The following ROBO3 variants were observed in gnomAD, a reference collection of about 807,000 sequenced individuals.
ROBO3 encodes roundabout homolog 3.
Under a neutral mutation model 160.5 loss-of-function variants are expected in ROBO3, and 97 were observed. The ratio of observed to expected loss-of-function variants is 0.60; its 90% CI spans 0.51 to 0.72. The LOEUF (loss-of-function observed/expected upper bound fraction) is 0.72, where lower values mean the gene tolerates loss of function less well. ROBO3 is among the 30% of genes least tolerant of loss of function. The pLI is 0.00. For missense variants in ROBO3, 1,858 were observed against 1,846.5 expected (o/e 1.01, Z -0.11); for synonymous variants, 780 against 746.2 (o/e 1.05, Z -0.74).
In ROBO3 at chr11:124,881,231, C is replaced by CTT. The variant is rs1286879686; in HGVS notation, c.4150-7_4150-6insTT. On this transcript the variant is annotated splice_polypyrimidine_tract_variant and splice_region_variant and intron_variant, in intron 27 of 27. Transcript: ENST00000397801. Reference sequence around the variant, plus strand: ...TTTACAAAACAGCATCTCTCTCTCTCTCCCTAGGAACCAAGATGACCCTTG... The same window carrying CTT: ...TTTACAAAACAGCATCTCTCTCTCTCTTTCCCTAGGAACCAAGATGACCCTTG... 1.2e-6 allele frequency: 2 copies of CTT among 1,605,404 alleles called. No individual in the cohort carries two copies. The highest frequency in any genetic ancestry group is 1.7e-6 in the Non-Finnish European group (2 of 1,175,828).
At chr11:124,875,476 T>A in intron 14 of ROBO3, 88 bp from the exon 15 acceptor site, 1 of 1,586,580 alleles carries the variant, frequency 6.3e-7, no homozygotes, top group South Asian at 1.1e-5. Flanking sequence ...CCCTAAGATG[T>A]TAGAACAGGG....
rs1196205129 is a variant in ROBO3, at chr11:124,880,964, G to C, written c.4150-275G>C. ...GCTACTCAGGGGGCTTGAGGTGGGA[G>C]GATAGCTTGAGCCTGGGAGGTCAAG... On this transcript the variant is annotated intron_variant, in intron 27 of 27. Transcript: ENST00000397801. 2.0e-5 allele frequency among the ~76,000 whole-genome samples: 3 copies of C among 152,148 alleles called. No homozygotes were observed. The East Asian group carries it at 5.8e-4, about 29-fold the overall frequency.
rs753333797 is a variant in ROBO3 at position 124,873,893 on chromosome 11, A to T, written c.1784+31A>T. The T allele has an allele frequency of 6.2e-7, 1 of 1,610,946 alleles. No homozygotes were observed. Among genetic ancestry groups the T allele is most frequent in the Admixed American group, 1.7e-5 (1 of 59,468 alleles). On this transcript the variant is annotated intron_variant, in intron 11 of 27. Transcript: ENST00000397801. This position sits in a 1 kb window ranked among gnomAD's most constrained non-coding sequence, Gnocchi z 4.5. ...GAGAAAGTTTTGAATGCAAACCTGGAGAGTTAAAAGGAGGGGATCCTATGC... is the reference window on the plus strand; with the variant it reads ...GAGAAAGTTTTGAATGCAAACCTGGTGAGTTAAAAGGAGGGGATCCTATGC...
Position 124,870,037 on chromosome 11 carries a change from G to C in ROBO3, c.735G>C (p.Arg245=). 6.2e-7 allele frequency: 1 copy of C among 1,614,048 alleles called. No homozygotes were observed. The highest frequency in any genetic ancestry group is 1.3e-5 in the African/African-American group (1 of 75,058). The part of the protein sequence containing the change: ...VCVASNMAGE[R]ESAAAEVMVL... ...TAGCCTCCAACATGGCGGGAGAACG[G>C]GAGAGTGCGGCAGCTGAAGTCATGG... Residue 245 remains arginine, a synonymous_variant, in exon 4 of 28, where the codon CGG becomes CGC. Coordinates refer to ENST00000397801, the MANE Select transcript of ROBO3 (RefSeq NM_022370.4).
In ROBO3 at chr11:124,868,870, C is replaced by G; in HGVS notation, c.229C>G (p.Arg77Gly). ...GCAGCCGCCAGATCTGCTGGTCTCC[C>G]GAGGCGAGCCCGCCACGTTGCCCTG... ...VEQPPDLLVS[R>G]GEPATLPCRA... Residue 77 changes from arginine to glycine, a missense_variant, in exon 2 of 28, where the codon CGA (arginine) becomes GGA (glycine). By Grantham distance (125) the Arg-to-Gly change is moderately radical. Coordinates refer to ENST00000397801, the MANE Select transcript of ROBO3 (RefSeq NM_022370.4). The G allele has an allele frequency of 6.2e-7, 1 of 1,607,616 alleles. No individual in the cohort carries two copies. Among genetic ancestry groups the G allele is most frequent in the Non-Finnish European group, 8.5e-7 (1 of 1,177,990 alleles).
rs1353898504 is a variant in ROBO3 at position 124,878,395 on chromosome 11, A to T, written c.3279A>T (p.Glu1093Asp). The stretch of plus-strand genomic sequence containing the variant: ...TGCCCCCACCTCCTCCTTCTTGTGA[A>T]CTGAGCTGCCTAGAAGGGCCGGAGG... The part of the protein sequence containing the change: ...EALPPPPPSC[E>D]LSCLEGPEEE... Residue 1093 changes from glutamate to aspartate, a missense_variant, in exon 22 of 28, where the codon GAA becomes GAT. By Grantham distance (45) the Glu-to-Asp change is conservative. Coordinates refer to ENST00000397801, the MANE Select transcript of ROBO3 (RefSeq NM_022370.4). The surrounding 1 kb of genome is among the most constrained non-coding windows in gnomAD (Gnocchi z 4.3). 2 of 1,613,896 alleles carry T rather than the reference A, an allele frequency of 1.2e-6. No homozygotes were observed. The highest frequency in any genetic ancestry group is 3.3e-5 in the Admixed American group (2 of 60,010).
intron 12 of ROBO3, among the ~76,000 whole-genome samples, chr11:124,874,508 T>C (rs967752565): frequency 2.6e-5 from 4 of 152,120 alleles, no homozygotes; most frequent in Admixed American, 6.6e-5. Flanking sequence ...CTTTTACCCA[T>C]AGATAATAAT....
rs867544928 is a variant in ROBO3, at chr11:124,872,734, A to T, written c.1331-150A>T. ...ACTAATAATGGCTGGTCCTGGGCAG[A>T]GACTTCAGATGATTATCAAAGCCCC... On this transcript the variant is annotated intron_variant, in intron 8 of 27. Transcript: ENST00000397801. This position sits in a 1 kb window ranked among gnomAD's most constrained non-coding sequence, Gnocchi z 4.3. 2.3e-5 allele frequency: 21 copies of T among 917,990 alleles called. No individual in the cohort carries two copies. The highest frequency in any genetic ancestry group is 6.8e-4 in the Middle Eastern group (2 of 2,938). 56.9% of individuals were successfully genotyped at this position (917,990 alleles called of 1,614,324 possible).
At position 124,869,348 on chromosome 11, in the gene ROBO3, C is replaced by A; in HGVS notation, c.488-102C>A. 8.3e-7 allele frequency: 1 copy of A among 1,208,494 alleles called. No homozygotes were observed. The highest frequency in any genetic ancestry group is 1.2e-6 in the Non-Finnish European group (1 of 836,922). 74.9% of individuals were successfully genotyped at this position (1,208,494 alleles called of 1,614,324 possible). On this transcript the variant is annotated intron_variant, in intron 2 of 27. Transcript: ENST00000397801. This position sits in a 1 kb window ranked among gnomAD's most constrained non-coding sequence, Gnocchi z 4.2. ...TTCTCACCTGGGAACGAATTCCAGT[C>A]TGCAGCGATCAACCCCTTCCCAAGA...
intron 13 of ROBO3, 82 bp from the exon 14 acceptor site, chr11:124,875,029 G>A (rs1591514089): frequency 6.6e-7 from 1 of 1,511,152 alleles, no homozygotes; most frequent in Non-Finnish European, 8.9e-7. Flanking sequence ...ATGAGTGGGA[G>A]GAGGGGCTGG....
chr11:124,876,831 G>A lies in ROBO3; in HGVS notation c.2780-330G>A. ...AGGATCCCAGGCAGTAAATTGTGCGGCGGGGTCTGGATGGAAAGGCGGGGC... is the reference window on the plus strand; with the variant it reads ...AGGATCCCAGGCAGTAAATTGTGCGACGGGGTCTGGATGGAAAGGCGGGGC... On this transcript the variant is annotated intron_variant, in intron 17 of 27. Transcript: ENST00000397801. The surrounding 1 kb of genome is among the most constrained non-coding windows in gnomAD (Gnocchi z 5.3). The A allele has an allele frequency of 1.8e-6, 1 of 546,458 alleles. No individual in the cohort carries two copies. Among genetic ancestry groups the A allele is most frequent in the Non-Finnish European group, 3.3e-6 (1 of 307,504 alleles). The allele number at this position is 546,458 out of a possible 1,614,324, so 33.9% of individuals were successfully genotyped here. A position where few individuals can be genotyped will look rare whatever the true frequency, so the allele number is the denominator to read the frequency against.
chr11:124,866,065 C>A lies in ROBO3; in HGVS notation c.160+328C>A, dbSNP rs145610075. 1.8e-3 allele frequency among the ~76,000 whole-genome samples: 274 copies of A among 152,240 alleles called. 1 individual carries two copies. Among genetic ancestry groups the A allele is most frequent in the African/African-American group, 6.3e-3 (263 of 41,540 alleles). On this transcript the variant is annotated intron_variant, in intron 1 of 27. Transcript: ENST00000397801. ...CGAGCTAAGAAAGGCCCGGGCCCAG[C>A]GCAGGGAGGGCAGAGGAGGGGGCAC...
At position 124,868,690 on chromosome 11, in the gene ROBO3, C is replaced by T. The variant is rs770338720; in HGVS notation, c.161-112C>T. The stretch of plus-strand genomic sequence containing the variant: ...GGGTAGGCAGGTGGGGACTGAGCTC[C>T]GCAGAGAAGCATAGGAGATGGAACG... On this transcript the variant is annotated intron_variant, in intron 1 of 27. Transcript: ENST00000397801. 5 of 1,127,120 alleles carry T rather than the reference C, an allele frequency of 4.4e-6. No individual in the cohort carries two copies. In the African/African-American group the frequency reaches 6.2e-5, roughly 14 times the overall value. The allele number at this position is 1,127,120 out of a possible 1,614,324, so 69.8% of individuals were successfully genotyped here.
chr11:124,872,037 C>T lies in ROBO3; in HGVS notation c.1159-344C>T, dbSNP rs149164888. On this transcript the variant is annotated intron_variant, in intron 7 of 27. Transcript: ENST00000397801. This position sits in a 1 kb window ranked among gnomAD's most constrained non-coding sequence, Gnocchi z 4.3. Reference sequence around the variant, plus strand: ...AAGAAGAGGAATGTGTTTACCACAACGTGTTAGAAGACTTTCATATGATTA... The same window carrying T: ...AAGAAGAGGAATGTGTTTACCACAATGTGTTAGAAGACTTTCATATGATTA... Among the ~76,000 whole-genome samples, 1,608 of 152,222 alleles carry T rather than the reference C, an allele frequency of 0.011. 25 individuals are homozygous for T. The highest frequency in any genetic ancestry group is 0.036 in the African/African-American group (1,510 of 41,514).
At chr11:124,868,502 T>C (rs542563390) in intron 1 of ROBO3, 14 of 597,438 alleles carry the variant, frequency 2.3e-5, no homozygotes, top group Middle Eastern at 4.4e-4. Context: ...CCGCTTAAAC[T>C]TGGCAGGAGA....
chr11:124,877,732 C>T (rs761687254), intron 20 of ROBO3, 74 bp downstream of exon 20: 5 of 1,558,302 alleles, frequency 3.2e-6, no homozygotes, highest in African/African-American at 2.7e-5. Context: ...GAAGGGCGCC[C>T]GGGAGCCCGG....
Position 124,873,648 on chromosome 11 carries a change from G to A in ROBO3, c.1619-49G>A, listed in dbSNP as rs1015928624. 6.5e-7 allele frequency: 1 copy of A among 1,533,034 alleles called. No individual in the cohort carries two copies. Among genetic ancestry groups the A allele is most frequent in the Non-Finnish European group, 8.9e-7 (1 of 1,129,216 alleles). 95.0% of individuals were successfully genotyped at this position (1,533,034 alleles called of 1,614,324 possible). On this transcript the variant is annotated intron_variant, in intron 10 of 27. Transcript: ENST00000397801. The surrounding 1 kb of genome is among the most constrained non-coding windows in gnomAD (Gnocchi z 4.5). ...CCTGGTAAGGAGACAGGTTACACTA[G>A]GATTATCCTTTCCCTATCTTTCTAC...
At position 124,875,574 on chromosome 11, in the gene ROBO3, C is replaced by T. The variant is rs200678379; in HGVS notation, c.2310C>T (p.Gly770=). The change falls in exon 15 of 28, where the codon GGC becomes GGT. Residue 770 remains glycine, a synonymous_variant. Transcript: ENST00000397801. Reference sequence around the variant, plus strand: ...TCCACCCTGGCCCAGCCCCCAGTGGCCCCCCACAGGGAGTGGCGGTGGCCT... The same window carrying T: ...TCCACCCTGGCCCAGCCCCCAGTGGTCCCCCACAGGGAGTGGCGGTGGCCT... The part of the protein sequence containing the change: ...TRSIPEEAPS[G]PPQGVAVALG... 1,601 of 1,611,364 alleles carry T rather than the reference C, an allele frequency of 9.9e-4. No individual in the cohort carries two copies. Among genetic ancestry groups the T allele is most frequent in the Non-Finnish European group, 1.3e-3 (1,480 of 1,178,904 alleles).
At position 124,865,558 on chromosome 11, in the gene ROBO3, G is replaced by A. The variant is rs1362501217; in HGVS notation, c.-20G>A. ...GGCTGGGCCCCCAGCCCCCAGTCCC[G>A]ATCCCAGCTGGGTCGAGCCATGCTG... On this transcript the variant is annotated 5_prime_UTR_variant, in exon 1 of 28. Coordinates refer to ENST00000397801, the MANE Select transcript of ROBO3 (RefSeq NM_022370.4). This position sits in a 1 kb window ranked among gnomAD's most constrained non-coding sequence, Gnocchi z 5.5. 3 of 1,608,678 alleles carry A rather than the reference G, an allele frequency of 1.9e-6. No individual in the cohort carries two copies. Among genetic ancestry groups the A allele is most frequent in the African/African-American group, 1.3e-5 (1 of 74,912 alleles).
Sources: allele counts gnomAD v4.1 joint callset (sites outside exome capture counted in the v4.1 genomes callset), GRCh38; gene constraint gnomAD v4.1.1; non-coding constraint Gnocchi (gnomAD v3.1); transcripts MANE v1.5; gene names NCBI Gene and HGNC (gene_info 2026-07-23, HGNC 2026-07-21).